CDH4: variants seen among roughly 807,000 people sequenced by gnomAD.
CDH4 encodes cadherin-4.
In CDH4, 33 loss-of-function variants were observed where a neutral mutation model predicts 86.0. That is an observed-to-expected ratio of 0.38 (90% CI 0.29 to 0.51). The LOEUF (loss-of-function observed/expected upper bound fraction) is 0.51, where lower values mean the gene tolerates loss of function less well. Among genes scored for constraint, CDH4 ranks in the 20% least tolerant of loss-of-function variants. The pLI, the probability that CDH4 is intolerant of heterozygous loss-of-function variation, is 0.86. For synonymous variants in CDH4, 555 were observed against 549.4 expected (o/e 1.01, Z -0.14); for missense variants, 1,114 against 1,307.4 (o/e 0.85, Z 2.28).
chr20:61,612,121 T>C (rs1317492876), intron 2 of CDH4, among the ~76,000 whole-genome samples: 1 of 152,120 alleles, frequency 6.6e-6, no homozygotes, highest in East Asian at 1.9e-4. Context: ...ATGTGCATAT[T>C]TTCAAGTACT....
chr20:61,871,382 G>A (rs1020080827), intron 6 of CDH4, among the ~76,000 whole-genome samples: 1 of 152,048 alleles, frequency 6.6e-6, no homozygotes, highest in Non-Finnish European at 1.5e-5. Flanking sequence ...TGAAAGTTTT[G>A]TGCTCTTTTA....
At chr20:61,750,787 G>T (rs2088482977) in intron 3 of CDH4, among the ~76,000 whole-genome samples, 1 of 152,246 alleles carries the variant, frequency 6.6e-6, no homozygotes, top group Non-Finnish European at 1.5e-5. Flanking sequence ...CGTGAGTAAG[G>T]TTAGCAAGGG....
intron 4 of CDH4, among the ~76,000 whole-genome samples, chr20:61,814,058 G>A (rs1172059461): frequency 1.3e-5 from 2 of 152,190 alleles, no homozygotes; most frequent in African/African-American, 4.8e-5. Context: ...GGCCAGAGGA[G>A]CCCACCCCAG....
intron 2 of CDH4, among the ~76,000 whole-genome samples, chr20:61,634,451 G>A (rs1458378452): frequency 2.6e-5 from 4 of 152,108 alleles, no homozygotes; most frequent in East Asian, 1.9e-4. Flanking sequence ...CCTGACTTCC[G>A]CGAGTGTTCT....
At chr20:61,818,689 TTA>T (rs1491521776) in intron 4 of CDH4, among the ~76,000 whole-genome samples, 23 of 141,620 alleles carry the variant, frequency 1.6e-4, no homozygotes, top group African/African-American at 5.4e-4. Context: ...AACTAAAAAT[TTA>T]AAAAAAAAAA....
chr20:61,688,648 T>A (rs1008020988), intron 2 of CDH4, among the ~76,000 whole-genome samples: 2 of 152,184 alleles, frequency 1.3e-5, no homozygotes, highest in African/African-American at 4.8e-5. Flanking sequence ...GCTCCCTGAC[T>A]CGGGCCCACG....
chr20:61,486,760 G>C (rs2085598992), intron 2 of CDH4, among the ~76,000 whole-genome samples: 1 of 152,096 alleles, frequency 6.6e-6, no homozygotes, highest in African/African-American at 2.4e-5. Context: ...ATGGTAGTAT[G>C]TGCCTGTAGT....
At chr20:61,479,873 A>C (rs905176987) in intron 2 of CDH4, among the ~76,000 whole-genome samples, 1 of 152,028 alleles carries the variant, frequency 6.6e-6, no homozygotes, top group Non-Finnish European at 1.5e-5. Context: ...GATTCTGGCC[A>C]TTTCTGTTTT....
intron 2 of CDH4, among the ~76,000 whole-genome samples, chr20:61,274,233 G>A (rs540027624): frequency 1.4e-5 from 2 of 142,502 alleles, no homozygotes; most frequent in East Asian, 4.4e-4. Context: ...GCACAGTTTG[G>A]GAGAGTACCA....
At chr20:61,719,628 A>T (rs1478336738) in intron 2 of CDH4, 1 of 161,772 alleles carries the variant, frequency 6.2e-6, no homozygotes, top group Non-Finnish European at 1.4e-5. Context: ...GGCTGTGCTC[A>T]CCTGCAAAGC....
At chr20:61,753,329 G>A (rs73915385) in intron 3 of CDH4, among the ~76,000 whole-genome samples, 1 of 152,150 alleles carries the variant, frequency 6.6e-6, no homozygotes. Context: ...ACTCTGGGGA[G>A]CTGGGTAAAA....
intron 2 of CDH4, among the ~76,000 whole-genome samples, chr20:61,599,172 G>A (rs1186603738): frequency 2.0e-5 from 3 of 152,190 alleles, no homozygotes. Flanking sequence ...CTCTTGGAGA[G>A]CTGGCTTCGT....
chr20:61,285,723 T>C (rs1187992413), intron 2 of CDH4, among the ~76,000 whole-genome samples: 1 of 152,280 alleles, frequency 6.6e-6, no homozygotes, highest in Non-Finnish European at 1.5e-5. Context: ...TCCTTTTTGC[T>C]CTGTTCATCC....
intron 2 of CDH4, among the ~76,000 whole-genome samples, chr20:61,356,856 G>A (rs907968930): frequency 2.6e-5 from 4 of 152,158 alleles, no homozygotes; most frequent in African/African-American, 9.7e-5. Flanking sequence ...GGGATTATCT[G>A]GACAGATTTG....
chr20:61,701,054 G>A (rs2087770312), intron 2 of CDH4, among the ~76,000 whole-genome samples: 1 of 152,190 alleles, frequency 6.6e-6, no homozygotes, highest in Non-Finnish European at 1.5e-5. Context: ...CGGCAGGGGT[G>A]GTTTGACGAA....
rs1328456589 is a variant in CDH4 at position 61,510,304 on chromosome 20, A to G, written c.170-233259A>G. Among the ~76,000 whole-genome samples, 2 of 152,144 alleles carry G rather than the reference A, an allele frequency of 1.3e-5. No individual in the cohort carries two copies. The highest frequency in any genetic ancestry group is 2.9e-5 in the Non-Finnish European group (2 of 68,030). On this transcript the variant is annotated intron_variant, in intron 2 of 15. Coordinates refer to ENST00000614565, the MANE Select transcript of CDH4 (RefSeq NM_001794.5). The surrounding 1 kb of genome is among the most constrained non-coding windows in gnomAD (Gnocchi z 4.2). ...TTGGGGGGGCCAGGAACGTGCATTC[A>G]GGGGAGTTTCTATTTGCCCAGGAGG...
At chr20:61,698,618 A>G (rs1032597988) in intron 2 of CDH4, among the ~76,000 whole-genome samples, 13 of 152,226 alleles carry the variant, frequency 8.5e-5, no homozygotes, top group Admixed American at 2.6e-4. Flanking sequence ...GAGTGGGTCT[A>G]GGAGAATACG....
chr20:61,328,553 A>T lies in CDH4; in HGVS notation c.169+73616A>T, dbSNP rs1262841565. Among the ~76,000 whole-genome samples, 4 of 152,200 alleles carry T rather than the reference A, an allele frequency of 2.6e-5. No homozygotes were observed. The East Asian group carries it at 7.7e-4, about 29-fold the overall frequency. On this transcript the variant is annotated intron_variant, in intron 2 of 15. Coordinates refer to ENST00000614565, the MANE Select transcript of CDH4 (RefSeq NM_001794.5). ...AATCTCATCACTTTGGGAGGCCAAC[A>T]CAAGAGGATTGCTTGAGCCCAGGAG...
chr20:61,499,032 G>A (rs1012530808), intron 2 of CDH4, among the ~76,000 whole-genome samples: 6 of 152,164 alleles, frequency 3.9e-5, no homozygotes, highest in African/African-American at 1.4e-4. Context: ...GTGACTTGCC[G>A]GGAGCATGGC....
Sources: allele counts gnomAD v4.1 joint callset (sites outside exome capture counted in the v4.1 genomes callset), GRCh38; gene constraint gnomAD v4.1.1; non-coding constraint Gnocchi (gnomAD v3.1); transcripts MANE v1.5; gene names NCBI Gene and HGNC (gene_info 2026-07-23, HGNC 2026-07-21).